Variants in GTF2F2 observed in about 807,000 individuals in gnomAD.
GTF2F2 encodes the protein ATP-dependent helicase GTF2F2.
A neutral mutation model predicts 42.2 loss-of-function variants in GTF2F2; 23 were observed. That is an observed-to-expected ratio of 0.55 (90% CI 0.39 to 0.77). The LOEUF is 0.77. Among genes scored for constraint, GTF2F2 ranks in the 30% least tolerant of loss-of-function variants. GTF2F2 has a pLI of 0.00. For missense variants in GTF2F2, 261 were observed against 287.2 expected, an observed-to-expected ratio of 0.91 and a Z score of 0.66; for synonymous variants, 105 against 100.8, an observed-to-expected ratio of 1.04 and a Z score of -0.25.
chr13:45,271,808 G>A (rs1405399810), intron 7 of GTF2F2, among the ~76,000 whole-genome samples: 1 of 152,012 alleles, frequency 6.6e-6, no homozygotes, highest in African/African-American at 2.4e-5. Context: ...CGTCAGACAG[G>A]CTGCTTTCTG....
chr13:45,151,717 A>G lies in GTF2F2; in HGVS notation c.190A>G (p.Asn64Asp). 3 of 1,607,084 alleles carry G rather than the reference A, an allele frequency of 1.9e-6. No individual in the cohort carries two copies. Among genetic ancestry groups the G allele is most frequent in the Non-Finnish European group, 2.6e-6 (3 of 1,174,606 alleles). The change falls in exon 4 of 8, where the codon AAT (asparagine) becomes GAT (aspartate). Residue 64 changes from asparagine (N) to aspartate (D), a missense_variant. Physicochemically the swap from Asn to Asp is conservative, Grantham distance 23. Coordinates refer to ENST00000340473, the MANE Select transcript of GTF2F2 (RefSeq NM_004128.3). ...VSFTLNEDLA[N>D]IHDIGGKPAS... ...ATTTACTTTGAATGAGGATCTTGCA[A>G]ATATTCATGATATTGGTGGAAAACC...
chr13:45,262,602 A>G (rs546644966), intron 6 of GTF2F2, among the ~76,000 whole-genome samples: 1 of 151,790 alleles, frequency 6.6e-6, no homozygotes, highest in South Asian at 2.1e-4. Context: ...TAATTTTTGT[A>G]GAGGCTGGGT....
At chr13:45,221,396 T>C (rs1181494450) in intron 5 of GTF2F2, among the ~76,000 whole-genome samples, 7 of 152,038 alleles carry the variant, frequency 4.6e-5, no homozygotes, top group Non-Finnish European at 1.5e-5. Context: ...TAGTGCAAAA[T>C]GAAAATATGG....
intron 4 of GTF2F2, chr13:45,194,458 A>G: frequency 6.2e-7 from 1 of 1,614,132 alleles, no homozygotes; most frequent in Non-Finnish European, 8.5e-7. Flanking sequence ...ACCAACGTTG[A>G]GGGTCATCAG....
At chr13:45,217,991 T>C (rs1024201562) in intron 5 of GTF2F2, among the ~76,000 whole-genome samples, 2 of 152,240 alleles carry the variant, frequency 1.3e-5, no homozygotes, top group Non-Finnish European at 2.9e-5. Flanking sequence ...CTTTTATTAC[T>C]AAGTGTGAAA....
At chr13:45,229,655 A>AT (rs1212437311) in intron 5 of GTF2F2, among the ~76,000 whole-genome samples, 1 of 152,314 alleles carries the variant, frequency 6.6e-6, no homozygotes, top group East Asian at 1.9e-4. Context: ...AAAGATGGTG[A>AT]AGGCCAGATG....
intron 4 of GTF2F2, among the ~76,000 whole-genome samples, chr13:45,180,654 T>A (rs1294120631): frequency 6.6e-6 from 1 of 152,224 alleles, no homozygotes; most frequent in Non-Finnish European, 1.5e-5. Flanking sequence ...TTTATTATAC[T>A]TCATGTCAGT....
chr13:45,271,647 G>C (rs767780557), intron 7 of GTF2F2, among the ~76,000 whole-genome samples: 31 of 151,978 alleles, frequency 2.0e-4, no homozygotes, highest in Non-Finnish European at 4.1e-4. Flanking sequence ...CACCTCCCGG[G>C]TTCAAGAAAT....
intron 5 of GTF2F2, among the ~76,000 whole-genome samples, chr13:45,212,506 TC>T (rs1217821207): frequency 9.4e-6 from 1 of 106,366 alleles, no homozygotes; most frequent in East Asian, 2.1e-4. Context: ...TTTCTTTCTT[TC>T]TTTTCTTTCT....
Position 45,283,526 on chromosome 13 carries a change from T to TA in GTF2F2, c.716dup (p.Tyr239Ter). Reference sequence around the variant, plus strand: ...AAACACATGGGAGCTGAAGCCAGAGTACAGACACTATCAAGGAGAAGAAAA... The same window carrying TA: ...AAACACATGGGAGCTGAAGCCAGAGTAACAGACACTATCAAGGAGAAGAAAA... Reference protein sequence around the residue: ...HKNTWELKPEYRHYQGEEKSD With the variant: ...HKNTWELKPE Residue 239 changes from tyrosine (Y) to a stop codon, truncating the protein, a stop_gained and frameshift_variant, in exon 8 of 8, where the codon TAC becomes TAAC. Transcript: ENST00000340473. LOFTEE classifies it high-confidence loss of function. The TA allele has an allele frequency of 6.2e-7, 1 of 1,612,768 alleles. No individual in the cohort carries two copies. Among genetic ancestry groups the TA allele is most frequent in the Non-Finnish European group, 8.5e-7 (1 of 1,179,280 alleles).
intron 2 of GTF2F2, among the ~76,000 whole-genome samples, chr13:45,148,471 A>G (rs575348184): frequency 2.0e-5 from 3 of 152,142 alleles, no homozygotes; most frequent in African/African-American, 7.2e-5. Context: ...CTTTCGTTCA[A>G]TTCTCACTTC....
At chr13:45,170,786 A>G (rs777109918) in intron 4 of GTF2F2, among the ~76,000 whole-genome samples, 4 of 152,148 alleles carry the variant, frequency 2.6e-5, no homozygotes, top group Non-Finnish European at 5.9e-5. Flanking sequence ...GGAATTGGAG[A>G]AGTCTAGATG....
At chr13:45,196,711 A>G (rs1872912865) in intron 4 of GTF2F2, among the ~76,000 whole-genome samples, 1 of 152,228 alleles carries the variant, frequency 6.6e-6, no homozygotes, top group Non-Finnish European at 1.5e-5. Context: ...AGTGATGTGG[A>G]TAGATACTAT....
At chr13:45,237,658 T>G (rs1339771266) in intron 5 of GTF2F2, among the ~76,000 whole-genome samples, 4 of 152,248 alleles carry the variant, frequency 2.6e-5, no homozygotes, top group African/African-American at 9.6e-5. Flanking sequence ...GGGATGGACC[T>G]GTAACTTAAA....
chr13:45,270,530 C>T (rs1271211005), intron 7 of GTF2F2, among the ~76,000 whole-genome samples: 4 of 152,142 alleles, frequency 2.6e-5, no homozygotes, highest in Non-Finnish European at 5.9e-5. Flanking sequence ...CCACCAATTT[C>T]ACTCCCATGA....
At chr13:45,168,779 G>GCTTGCTTC (rs1281109592) in intron 4 of GTF2F2, among the ~76,000 whole-genome samples, 2 of 125,532 alleles carry the variant, frequency 1.6e-5, no homozygotes, top group Non-Finnish European at 3.4e-5. Flanking sequence ...CACCTGGCTG[G>GCTTGCTTC]CTTCCTTCCT....
intron 5 of GTF2F2, among the ~76,000 whole-genome samples, chr13:45,247,087 C>A (rs1265191752): frequency 6.7e-6 from 1 of 150,170 alleles, no homozygotes. Context: ...CTGCGGCTCA[C>A]GCCTGTAATC....
At chr13:45,161,936 A>G (rs1028180642) in intron 4 of GTF2F2, among the ~76,000 whole-genome samples, 1 of 150,134 alleles carries the variant, frequency 6.7e-6, no homozygotes, top group African/African-American at 2.5e-5. Flanking sequence ...ACTTTTAGGT[A>G]TTTATTCCAC....
At chr13:45,224,211 A>G (rs957605364) in intron 5 of GTF2F2, among the ~76,000 whole-genome samples, 4 of 152,340 alleles carry the variant, frequency 2.6e-5, no homozygotes, top group Non-Finnish European at 4.4e-5. Context: ...TTTGAGAGTT[A>G]TATGTAGTTC....
Sources: gnomAD v4.1 joint callset for allele counts (sites outside exome capture counted in the v4.1 genomes callset) on GRCh38, gnomAD v4.1.1 for gene constraint, MANE v1.5 for transcripts, NCBI Gene and HGNC (gene_info 2026-07-23, HGNC 2026-07-21) for gene names.